The following RBFOX1 variants were observed in gnomAD, a reference collection of about 807,000 sequenced individuals.
RBFOX1 encodes RNA binding fox-1 homolog 1, also known as RNA binding protein fox-1 homolog 1.
In RBFOX1, 8 loss-of-function variants were observed where a neutral mutation model predicts 57.7. The observed-to-expected ratio is 0.14, with a 90% CI of 0.08 to 0.25. RBFOX1 has a LOEUF of 0.25. RBFOX1 is among the 10% of genes least tolerant of loss of function. The pLI, the probability that RBFOX1 is intolerant of heterozygous loss-of-function variation, is 1.00. For missense variants in RBFOX1, 611 were observed against 548.5 expected, an observed-to-expected ratio of 1.11 and a Z score of -1.14; for synonymous variants, 326 against 222.4, an observed-to-expected ratio of 1.47 and a Z score of -4.15.
intron 1 of RBFOX1, among the ~76,000 whole-genome samples, chr16:5,455,021 T>TTCTTTCTTTCTTTCTCTC (rs1317448150): frequency 8.8e-6 from 1 of 113,128 alleles, no homozygotes; most frequent in African/African-American, 3.4e-5. Context: ...CTTTCTTTCT[T>TTCTTTCTTTCTTTCTCTC]TCTCTCTCTC....
At chr16:5,665,319 T>G (rs977890510) in intron 3 of RBFOX1, among the ~76,000 whole-genome samples, 2 of 152,126 alleles carry the variant, frequency 1.3e-5, no homozygotes, top group African/African-American at 4.8e-5. Flanking sequence ...CCTCTTGCTT[T>G]CCAAGTGTCT....
intron 4 of RBFOX1, among the ~76,000 whole-genome samples, chr16:5,994,141 C>T (rs191413752): frequency 6.6e-5 from 10 of 152,206 alleles, no homozygotes; most frequent in South Asian, 2.1e-4. Context: ...GTATTGCTAA[C>T]GCAGATGCCA....
chr16:6,066,943 C>T (rs960992548), intron 1 of RBFOX1, among the ~76,000 whole-genome samples: 1 of 152,086 alleles, frequency 6.6e-6, no homozygotes, highest in Admixed American at 6.5e-5. Context: ...GAAGCCTCAG[C>T]CTTGGTCTCC....
chr16:5,734,501 C>T (rs1180309809), intron 3 of RBFOX1, among the ~76,000 whole-genome samples: 2 of 152,318 alleles, frequency 1.3e-5, no homozygotes, highest in East Asian at 3.9e-4. Context: ...ACCTGATTTC[C>T]TCTAAGCCCC....
intron 1 of RBFOX1, among the ~76,000 whole-genome samples, chr16:6,251,214 C>G (rs1279233419): frequency 6.6e-6 from 1 of 152,154 alleles, no homozygotes; most frequent in Non-Finnish European, 1.5e-5. Flanking sequence ...GTTCTAAACA[C>G]TGACAAGTAT....
chr16:5,648,284 G>C (rs901586845), intron 3 of RBFOX1, among the ~76,000 whole-genome samples: 1 of 152,182 alleles, frequency 6.6e-6, no homozygotes, highest in Non-Finnish European at 1.5e-5. Context: ...TTTCACATCT[G>C]GGCAATGGGT....
chr16:7,584,179 G>A (rs1443203708), intron 6 of RBFOX1, among the ~76,000 whole-genome samples: 4 of 152,152 alleles, frequency 2.6e-5, no homozygotes, highest in Admixed American at 2.6e-4. Context: ...GTTTTATGCT[G>A]TATCCATTGA....
chr16:5,810,496 C>G (rs566459349), intron 3 of RBFOX1, among the ~76,000 whole-genome samples: 1 of 152,154 alleles, frequency 6.6e-6, no homozygotes, highest in Non-Finnish European at 1.5e-5. Flanking sequence ...GCAGCCCTAG[C>G]AAACTAATAC....
intron 4 of RBFOX1, among the ~76,000 whole-genome samples, chr16:5,898,594 T>C (rs1400624757): frequency 6.6e-6 from 1 of 151,880 alleles, no homozygotes; most frequent in South Asian, 2.1e-4. Flanking sequence ...ATAGATTCTA[T>C]TGTCAAGTCT....
chr16:6,479,481 G>A (rs1196032958), intron 2 of RBFOX1, among the ~76,000 whole-genome samples: 4 of 152,098 alleles, frequency 2.6e-5, no homozygotes, highest in South Asian at 2.1e-4. Flanking sequence ...CCAGCTACTC[G>A]GGAGGCTGAG....
chr16:6,273,963 A>G (rs933659682), intron 1 of RBFOX1, among the ~76,000 whole-genome samples: 1 of 152,206 alleles, frequency 6.6e-6, no homozygotes, highest in Non-Finnish European at 1.5e-5. Context: ...ATCATTAACC[A>G]TTAAGGAAAT....
At chr16:5,605,483 G>C (rs971515195) in intron 3 of RBFOX1, among the ~76,000 whole-genome samples, 1 of 152,172 alleles carries the variant, frequency 6.6e-6, no homozygotes, top group East Asian at 1.9e-4. Flanking sequence ...GGAGGGGACA[G>C]TGGTGCCACT....
intron 3 of RBFOX1, among the ~76,000 whole-genome samples, chr16:6,881,242 G>T (rs760614678): frequency 1.3e-5 from 2 of 152,182 alleles, no homozygotes; most frequent in African/African-American, 4.8e-5. Flanking sequence ...TAGATATAAG[G>T]TTCCCAAGAT....
intron 3 of RBFOX1, among the ~76,000 whole-genome samples, chr16:5,832,312 A>G (rs1254457150): frequency 1.3e-5 from 2 of 152,204 alleles, no homozygotes; most frequent in African/African-American, 2.4e-5. Flanking sequence ...TTACTGGCTA[A>G]TGGACTAGGG....
intron 2 of RBFOX1, among the ~76,000 whole-genome samples, chr16:6,390,061 C>T (rs1359725224): frequency 1.1e-4 from 17 of 152,108 alleles, no homozygotes; most frequent in East Asian, 5.8e-4. Context: ...TGTGAAATGA[C>T]GGATACCTGA....
intron 3 of RBFOX1, among the ~76,000 whole-genome samples, chr16:6,874,388 T>G (rs2061461064): frequency 6.6e-6 from 1 of 151,820 alleles, no homozygotes; most frequent in Non-Finnish European, 1.5e-5. Context: ...CAGGTGCCTG[T>G]AGTCCCAGCT....
chr16:7,653,316 C>G (rs369199245), intron 11 of RBFOX1, among the ~76,000 whole-genome samples: 1 of 152,104 alleles, frequency 6.6e-6, no homozygotes, highest in East Asian at 1.9e-4. Context: ...GCCGGGGCAA[C>G]AAAGGGAGAT....
At chr16:5,826,586 A>T (rs570911622) in intron 3 of RBFOX1, among the ~76,000 whole-genome samples, 2 of 152,360 alleles carry the variant, frequency 1.3e-5, no homozygotes, top group Admixed American at 6.5e-5. Flanking sequence ...CTTTATTTAC[A>T]AAAGCAAGAG....
intron 1 of RBFOX1, among the ~76,000 whole-genome samples, chr16:6,176,544 G>C (rs1441019106): frequency 6.6e-6 from 1 of 152,076 alleles, no homozygotes; most frequent in East Asian, 1.9e-4. Context: ...AAACTTCAAA[G>C]AGTCTTGATG....
Sources: allele counts gnomAD v4.1 joint callset (sites outside exome capture counted in the v4.1 genomes callset), GRCh38; gene constraint gnomAD v4.1.1; transcripts MANE v1.5; gene names NCBI Gene and HGNC (gene_info 2026-07-23, HGNC 2026-07-21).